FRY: variants seen among roughly 807,000 people sequenced by gnomAD.
FRY encodes the protein protein furry homolog.
A neutral mutation model predicts 348.4 loss-of-function variants in FRY; 128 were observed. That is an observed-to-expected ratio of 0.37 (90% confidence interval 0.32 to 0.43). FRY has a LOEUF of 0.43. Among genes scored for constraint, FRY ranks in the 20% least tolerant of loss-of-function variants. The pLI is 1.00. For missense variants in FRY, 2,736 were observed against 3,695.2 expected, an observed-to-expected ratio of 0.74 and a Z score of 6.73; for synonymous variants, 1,370 against 1,374.7, an observed-to-expected ratio of 1.00 and a Z score of 0.08.
chr13:32,041,283 CTTTTTTTTTTTTTTT>C lies in FRY; in HGVS notation c.70+9432_70+9446del, dbSNP rs11286980. Among the ~76,000 whole-genome samples, 522 of 65,076 alleles carry C rather than the reference CTTTTTTTTTTTTTTT, an allele frequency of 8.0e-3. 5 individuals are homozygous for C. The highest frequency in any genetic ancestry group is 0.029 in the African/African-American group (502 of 17,098). 42.7% of individuals were successfully genotyped at this position (65,076 alleles called of 152,430 possible). On this transcript the variant is annotated intron_variant, in intron 1 of 60. Transcript: ENST00000542859. Reference sequence around the variant, plus strand: ...TAACACCCCTAAAATTAATCTTCTGCTTTTTTTTTTTTTTTTTTTTTTTTTTTTGAGACAGAGTCT... The same window carrying C: ...TAACACCCCTAAAATTAATCTTCTGCTTTTTTTTTTTTTGAGACAGAGTCT...
chr13:32,290,954 G>A (rs1204840094), intron 59 of FRY, among the ~76,000 whole-genome samples: 1 of 152,180 alleles, frequency 6.6e-6, no homozygotes, highest in African/African-American at 2.4e-5. Context: ...TGTCCAGACA[G>A]TCAAGCCTTC....
At chr13:32,258,612 CAAA>C (rs11327896) in intron 51 of FRY, among the ~76,000 whole-genome samples, 9 of 143,946 alleles carry the variant, frequency 6.3e-5, no homozygotes, top group Admixed American at 6.9e-5. Context: ...GACTCTGTCT[CAAA>C]AAAAAAAAAA....
At chr13:32,078,194 A>G (rs750033665) in intron 1 of FRY, among the ~76,000 whole-genome samples, 7 of 152,232 alleles carry the variant, frequency 4.6e-5, no homozygotes, top group Non-Finnish European at 1.0e-4. Context: ...AACATATTTT[A>G]TAAAGGAAGC....
chr13:32,067,220 C>A (rs1006607794), intron 1 of FRY, among the ~76,000 whole-genome samples: 5 of 152,206 alleles, frequency 3.3e-5, no homozygotes, highest in African/African-American at 1.2e-4. Context: ...CCCTACGTAT[C>A]AGAATCCTAC....
At chr13:32,278,196 T>C (rs1888631535) in intron 57 of FRY, among the ~76,000 whole-genome samples, 1 of 152,184 alleles carries the variant, frequency 6.6e-6, no homozygotes, top group South Asian at 2.1e-4. Flanking sequence ...TTAGAAACAG[T>C]GTGGTGAAAC....
At chr13:32,123,010 A>T (rs887784191) in intron 4 of FRY, among the ~76,000 whole-genome samples, 13 of 152,210 alleles carry the variant, frequency 8.5e-5, no homozygotes, top group African/African-American at 3.1e-4. Context: ...TACAAGGAAA[A>T]CTACAAAACA....
At chr13:32,077,887 G>A (rs1438692134) in intron 1 of FRY, among the ~76,000 whole-genome samples, 4 of 151,956 alleles carry the variant, frequency 2.6e-5, no homozygotes, top group African/African-American at 7.3e-5. Flanking sequence ...TTAACTATAC[G>A]CTTCCTGTTC....
At chr13:32,164,756 G>C (rs1881639065) in intron 17 of FRY, among the ~76,000 whole-genome samples, 1 of 152,142 alleles carries the variant, frequency 6.6e-6, no homozygotes, top group Admixed American at 6.5e-5. Context: ...CTGGATCCCT[G>C]AGGATTCTCC....
At chr13:32,047,719 C>T (rs191300299) in intron 1 of FRY, among the ~76,000 whole-genome samples, 1,555 of 130,036 alleles carry the variant, frequency 0.012, 31 homozygotes, top group African/African-American at 0.044. Flanking sequence ...TATAGGCACG[C>T]ACCACCACTC....
intron 50 of FRY, among the ~76,000 whole-genome samples, chr13:32,252,637 A>T (rs866629726): frequency 1.3e-5 from 2 of 151,374 alleles, no homozygotes; most frequent in South Asian, 4.2e-4. Context: ...TGAAAAAGAA[A>T]TAACAAACTA....
Position 32,176,774 on chromosome 13 carries a change from T to C in FRY, c.2421+1142T>C, listed in dbSNP as rs116229348. On this transcript the variant is annotated intron_variant, in intron 20 of 60. Coordinates refer to ENST00000542859, the MANE Select transcript of FRY (RefSeq NM_023037.3). Reference sequence around the variant, plus strand: ...CAGCAATACTGCAGTTAGGAAGATATACAGAAACGGGGAGAGAGTAATGGG... The same window carrying C: ...CAGCAATACTGCAGTTAGGAAGATACACAGAAACGGGGAGAGAGTAATGGG... Among the ~76,000 whole-genome samples, 1,149 of 152,354 alleles carry C rather than the reference T, an allele frequency of 7.5e-3. 7 individuals carry two copies. Among genetic ancestry groups the C allele is most frequent in the African/African-American group, 0.026 (1,090 of 41,580 alleles).
At chr13:32,178,801 C>T in intron 21 of FRY, 43 bp from the exon 22 acceptor site, 1 of 1,308,606 alleles carries the variant, frequency 7.6e-7, no homozygotes, top group African/African-American at 1.4e-5. Flanking sequence ...TATTTAAAAT[C>T]CAGAACTTAG....
intron 58 of FRY, among the ~76,000 whole-genome samples, chr13:32,281,164 G>A (rs1335490712): frequency 6.6e-6 from 1 of 152,124 alleles, no homozygotes; most frequent in Non-Finnish European, 1.5e-5. Flanking sequence ...AACTCTGTTA[G>A]CATTACTATA....
At chr13:32,294,243 T>A (rs1467090372) in intron 59 of FRY, 125 bp from the exon 60 acceptor site, 2 of 701,150 alleles carry the variant, frequency 2.9e-6, no homozygotes, top group African/African-American at 3.5e-5. Flanking sequence ...ATCTATCCTA[T>A]CTGAATTTAC....
In FRY at chr13:32,261,671, T is replaced by C; in HGVS notation, c.7472T>C (p.Leu2491Pro). ...GTGCGCAGACGTTCTCTGGACAGCCTGGATAAGTGTGATATGCAGATTCTG... is the reference window on the plus strand; with the variant it reads ...GTGCGCAGACGTTCTCTGGACAGCCCGGATAAGTGTGATATGCAGATTCTG... Reference protein sequence around the residue: ...WGVRRRSLDSLDKCDMQILEE... With the variant: ...WGVRRRSLDSPDKCDMQILEE... Residue 2491 changes from leucine to proline, a missense_variant, in exon 52 of 61, where the codon CTG (leucine) becomes CCG (proline). By Grantham distance (98) the Leu-to-Pro change is moderately conservative. Around this residue, in one of 9 missense-constraint regions of FRY, gnomAD observed 789 missense variants for 996.2 expected, o/e 0.79. Coordinates refer to ENST00000542859, the MANE Select transcript of FRY (RefSeq NM_023037.3). The C allele has an allele frequency of 6.2e-7, 1 of 1,614,182 alleles. No homozygotes were observed. The highest frequency in any genetic ancestry group is 8.5e-7 in the Non-Finnish European group (1 of 1,180,030).
chr13:32,057,200 T>G (rs563628882), intron 1 of FRY, among the ~76,000 whole-genome samples: 1 of 151,992 alleles, frequency 6.6e-6, no homozygotes, highest in African/African-American at 2.4e-5. Flanking sequence ...AGACAGACTC[T>G]CACTCTGTCA....
chr13:32,109,153 A>G (rs970596114), intron 3 of FRY, among the ~76,000 whole-genome samples: 2 of 151,816 alleles, frequency 1.3e-5, no homozygotes, highest in Admixed American at 6.6e-5. Flanking sequence ...AAATTATATA[A>G]AAAGGATAAA....
chr13:32,290,512 A>G (rs1338748183), intron 59 of FRY, among the ~76,000 whole-genome samples: 1 of 152,164 alleles, frequency 6.6e-6, no homozygotes, highest in Non-Finnish European at 1.5e-5. Flanking sequence ...GAAAGGAACT[A>G]CAAGCTACTT....
Position 32,234,716 on chromosome 13 carries a change from C to G in FRY, c.5670C>G (p.Leu1890=), listed in dbSNP as rs1271647972. 6 of 1,614,126 alleles carry G rather than the reference C, an allele frequency of 3.7e-6. No homozygotes were observed. Among genetic ancestry groups the G allele is most frequent in the South Asian group, 1.1e-5 (1 of 91,084 alleles). Residue 1890 remains leucine (L), a synonymous_variant, in exon 42 of 61, where the codon CTC becomes CTG. Transcript: ENST00000542859. ...PLSAHALSDL[L]SRLVEVIGEH... Reference sequence around the variant, plus strand: ...CAGCACATGCCTTATCTGACCTTCTCTCAAGATTGGTGGAGGTGATAGGAG... The same window carrying G: ...CAGCACATGCCTTATCTGACCTTCTGTCAAGATTGGTGGAGGTGATAGGAG...
Sources: gnomAD v4.1 joint callset for allele counts (sites outside exome capture counted in the v4.1 genomes callset) on GRCh38, gnomAD v4.1.1 for gene constraint, gnomAD v4.1.1 regional missense constraint, MANE v1.5 for transcripts, NCBI Gene and HGNC (gene_info 2026-07-23, HGNC 2026-07-21) for gene names.